Variants in NPAS3 observed in about 807,000 individuals in gnomAD.
NPAS3 encodes the protein neuronal PAS domain-containing protein 3.
Under a neutral mutation model 73.1 loss-of-function variants are expected in NPAS3, and 14 were observed. The observed-to-expected ratio is 0.19, with a 90% CI of 0.13 to 0.30. The LOEUF (loss-of-function observed/expected upper bound fraction) is 0.30, where lower values mean the gene tolerates loss of function less well. NPAS3 is among the 10% of genes least tolerant of loss of function. The pLI, the probability that NPAS3 is intolerant of heterozygous loss-of-function variation, is 1.00. For missense variants in NPAS3, 1,096 were observed against 1,250.0 expected (o/e 0.88, Z 1.86); for synonymous variants, 620 against 541.5 (o/e 1.14, Z -2.01).
chr14:33,754,227 T>G (rs374081103), intron 7 of NPAS3, among the ~76,000 whole-genome samples: 1 of 152,134 alleles, frequency 6.6e-6, no homozygotes, highest in African/African-American at 2.4e-5. Context: ...TTCCCTGATA[T>G]TCTTTAAAAC....
intron 4 of NPAS3, among the ~76,000 whole-genome samples, chr14:33,504,790 C>T (rs1393192827): frequency 1.3e-5 from 2 of 151,934 alleles, no homozygotes; most frequent in Non-Finnish European, 2.9e-5. Context: ...AAGTTACAGA[C>T]AAGTAAATTG....
At chr14:33,562,220 A>G (rs2055684615) in intron 5 of NPAS3, among the ~76,000 whole-genome samples, 1 of 152,336 alleles carries the variant, frequency 6.6e-6, no homozygotes, top group Non-Finnish European at 1.5e-5. Flanking sequence ...CTACTGTATC[A>G]TTAAGTAAAA....
chr14:33,283,934 G>T (rs921601750), intron 3 of NPAS3, among the ~76,000 whole-genome samples: 1 of 152,068 alleles, frequency 6.6e-6, no homozygotes, highest in African/African-American at 2.4e-5. Flanking sequence ...CAGAATTGTG[G>T]CCTCCTCCTA....
At chr14:33,082,282 C>A (rs181782585) in intron 2 of NPAS3, among the ~76,000 whole-genome samples, 20 of 152,136 alleles carry the variant, frequency 1.3e-4, no homozygotes, top group Admixed American at 1.3e-3. Context: ...AAAGGGAGAC[C>A]TAGCAGCCGC....
At chr14:33,742,170 A>G (rs1261990313) in intron 7 of NPAS3, among the ~76,000 whole-genome samples, 4 of 152,110 alleles carry the variant, frequency 2.6e-5, no homozygotes, top group African/African-American at 7.2e-5. Flanking sequence ...AGCACAGGTC[A>G]TTTTTCTTCA....
intron 6 of NPAS3, 136 bp from the exon 7 acceptor site, chr14:33,735,078 G>T: frequency 1.5e-6 from 1 of 656,452 alleles, no homozygotes; most frequent in Non-Finnish European, 2.8e-6. Flanking sequence ...TCTAAATGAG[G>T]TAAATTGATT....
At chr14:33,775,563 A>G (rs938698004) in intron 8 of NPAS3, among the ~76,000 whole-genome samples, 6 of 152,144 alleles carry the variant, frequency 3.9e-5, no homozygotes, top group Non-Finnish European at 7.3e-5. Flanking sequence ...ACTGCCTATC[A>G]TTTCTGAACA....
At chr14:33,033,941 A>G (rs754210523) in intron 1 of NPAS3, among the ~76,000 whole-genome samples, 17 of 152,252 alleles carry the variant, frequency 1.1e-4, no homozygotes, top group Non-Finnish European at 1.3e-4. Flanking sequence ...AATAATGTTT[A>G]GAGGTGTTAT....
chr14:33,039,058 G>A (rs1000426460), intron 1 of NPAS3, among the ~76,000 whole-genome samples: 11 of 152,144 alleles, frequency 7.2e-5, no homozygotes, highest in African/African-American at 2.7e-4. Context: ...TGACATCAAA[G>A]ATTTACCCAT....
intron 4 of NPAS3, among the ~76,000 whole-genome samples, chr14:33,547,718 C>G (rs1473029183): frequency 6.6e-6 from 1 of 152,202 alleles, no homozygotes; most frequent in Admixed American, 6.5e-5. Flanking sequence ...CAGCTGGTCC[C>G]AAACCTGTGC....
chr14:33,681,493 A>T (rs1445551500), intron 6 of NPAS3, among the ~76,000 whole-genome samples: 1 of 152,182 alleles, frequency 6.6e-6, no homozygotes, highest in South Asian at 2.1e-4. Context: ...CAAGGTGTTG[A>T]GGGAGCTGTT....
chr14:32,972,345 C>T (rs1353436180), intron 1 of NPAS3, among the ~76,000 whole-genome samples: 1 of 152,078 alleles, frequency 6.6e-6, no homozygotes, highest in Non-Finnish European at 1.5e-5. Context: ...CCTGTTAAGC[C>T]TTATTAAGGA....
At chr14:33,131,420 C>A (rs1566592572) in intron 2 of NPAS3, among the ~76,000 whole-genome samples, 2 of 25,332 alleles carry the variant, frequency 7.9e-5, no homozygotes, top group Non-Finnish European at 1.9e-4. Context: ...GCCATGTGTT[C>A]ATCTGACTTC....
chr14:33,648,198 A>G (rs558570610), intron 5 of NPAS3, among the ~76,000 whole-genome samples: 2 of 152,320 alleles, frequency 1.3e-5, no homozygotes, highest in East Asian at 1.9e-4. Flanking sequence ...GAATTTATCT[A>G]TAAGGGGCTG....
At chr14:33,591,093 T>G (rs891348537) in intron 5 of NPAS3, among the ~76,000 whole-genome samples, 1 of 152,140 alleles carries the variant, frequency 6.6e-6, no homozygotes, top group African/African-American at 2.4e-5. Context: ...TGACTTCATT[T>G]TCTCTACAAC....
chr14:33,257,684 G>C (rs1393291236), intron 3 of NPAS3, among the ~76,000 whole-genome samples: 1 of 152,132 alleles, frequency 6.6e-6, no homozygotes, highest in Non-Finnish European at 1.5e-5. Flanking sequence ...CATTACCACT[G>C]AATGTGACTC....
chr14:33,644,953 C>T (rs1291421253), intron 5 of NPAS3, among the ~76,000 whole-genome samples: 1 of 151,690 alleles, frequency 6.6e-6, no homozygotes, highest in Non-Finnish European at 1.5e-5. Flanking sequence ...TGGTGGCGGG[C>T]ACCTGTAATC....
intron 6 of NPAS3, among the ~76,000 whole-genome samples, chr14:33,733,258 A>C (rs765606875): frequency 2.0e-4 from 30 of 152,090 alleles, no homozygotes; most frequent in Admixed American, 6.6e-5. Flanking sequence ...CACCAGGATG[A>C]AAAAAACTGC....
intron 1 of NPAS3, among the ~76,000 whole-genome samples, chr14:33,036,201 C>T (rs2040163419): frequency 6.6e-6 from 1 of 152,102 alleles, no homozygotes; most frequent in Non-Finnish European, 1.5e-5. Context: ...TACTGTAATC[C>T]TTGTTTCTAG....
Sources: allele counts gnomAD v4.1 joint callset (sites outside exome capture counted in the v4.1 genomes callset), GRCh38; gene constraint gnomAD v4.1.1; transcripts MANE v1.5; gene names NCBI Gene and HGNC (gene_info 2026-07-23, HGNC 2026-07-21).